PLS1: variants seen among roughly 807,000 people sequenced by gnomAD.
PLS1 encodes the protein plastin-1.
A neutral mutation model predicts 73.7 loss-of-function variants in PLS1; 32 were observed. The ratio of observed to expected loss-of-function variants is 0.43; its 90% CI spans 0.33 to 0.58. The LOEUF (loss-of-function observed/expected upper bound fraction) is 0.58, where lower values mean the gene tolerates loss of function less well. Among genes scored for constraint, PLS1 ranks in the 20% least tolerant of loss-of-function variants. PLS1 has a pLI of 0.04. For missense variants in PLS1, 633 were observed against 740.5 expected (o/e 0.85, Z 1.68); for synonymous variants, 217 against 261.3 (o/e 0.83, Z 1.63).
chr3:142,685,272 G>C lies in PLS1; in HGVS notation c.888+877G>C, dbSNP rs189051351. ...ACATTTATTCAGCTCTTTCTGAGGG[G>C]CATTATGCCCAGGCGATGCAAAGAC... is the stretch of plus-strand genomic sequence containing the variant. On this transcript the variant is annotated intron_variant, in intron 8 of 15. Coordinates refer to ENST00000457734, the MANE Select transcript of PLS1 (RefSeq NM_001145319.2). Among the ~76,000 whole-genome samples the C allele has an allele frequency of 1.1e-3, 161 of 152,256 alleles. 1 individual carries two copies. The highest frequency in any genetic ancestry group is 3.8e-3 in the African/African-American group (158 of 41,534).
chr3:142,620,243 G>C (rs1030326812), intron 1 of PLS1, among the ~76,000 whole-genome samples: 2 of 152,036 alleles, frequency 1.3e-5, no homozygotes, highest in African/African-American at 4.8e-5. Context: ...TTCTGCCTCA[G>C]CCTTCCAAGT....
intron 1 of PLS1, among the ~76,000 whole-genome samples, chr3:142,620,066 G>A (rs1027532276): frequency 2.2e-4 from 34 of 152,068 alleles, no homozygotes; most frequent in African/African-American, 8.0e-4. Context: ...CTTTCCAGTT[G>A]CTGTCATTCT....
At position 142,599,903 on chromosome 3, in the gene PLS1, C is replaced by T. The variant is rs140880292; in HGVS notation, c.-37+3394C>T. Among the ~76,000 whole-genome samples, 438 of 152,172 alleles carry T rather than the reference C, an allele frequency of 2.9e-3. 2 individuals carry two copies. In the South Asian group the frequency reaches 0.035, roughly 12 times the overall value. On this transcript the variant is annotated intron_variant, in intron 1 of 15. Coordinates refer to ENST00000457734, the MANE Select transcript of PLS1 (RefSeq NM_001145319.2). Reference sequence around the variant, plus strand: ...TCCCAAGTAGCTGTGGCCACAGGCACGTGCCACCATGCGTGGCTAATTTTG... The same window carrying T: ...TCCCAAGTAGCTGTGGCCACAGGCATGTGCCACCATGCGTGGCTAATTTTG...
In PLS1 at chr3:142,600,902, A is replaced by T. The variant is rs1560024424; in HGVS notation, c.-37+4393A>T. On this transcript the variant is annotated intron_variant, in intron 1 of 15. Transcript: ENST00000457734. ...CATATATATATATATATATATATAT[A>T]TATATATATATATATTTTTTTTTTT... Among the ~76,000 whole-genome samples, 7 of 30,890 alleles carry T rather than the reference A, an allele frequency of 2.3e-4. 1 individual carries two copies. Among genetic ancestry groups the T allele is most frequent in the African/African-American group, 1.6e-3 (7 of 4,322 alleles). The allele number at this position is 30,890 out of a possible 152,430, so 20.3% of individuals were successfully genotyped here.
intron 1 of PLS1, among the ~76,000 whole-genome samples, chr3:142,608,765 G>A (rs1369027303): frequency 1.3e-5 from 2 of 152,182 alleles, no homozygotes; most frequent in Non-Finnish European, 2.9e-5. Flanking sequence ...TGGTTGGTCC[G>A]GTTAACAGCA....
intron 1 of PLS1, among the ~76,000 whole-genome samples, chr3:142,604,797 T>A (rs1393238092): frequency 1.3e-5 from 2 of 151,810 alleles, no homozygotes; most frequent in African/African-American, 4.8e-5. Context: ...TAGCCAGGCG[T>A]GGTGGTGGGT....
At chr3:142,694,153 T>C (rs954884150) in intron 10 of PLS1, among the ~76,000 whole-genome samples, 3 of 152,132 alleles carry the variant, frequency 2.0e-5, no homozygotes, top group Non-Finnish European at 4.4e-5. Flanking sequence ...GAATCCCTTT[T>C]GCATCTAATC....
At chr3:142,701,675 G>T (rs2038334802) in intron 12 of PLS1, among the ~76,000 whole-genome samples, 1 of 152,058 alleles carries the variant, frequency 6.6e-6, no homozygotes, top group Admixed American at 6.5e-5. Context: ...TTTCAATGCT[G>T]GTCCTATCAA....
intron 1 of PLS1, among the ~76,000 whole-genome samples, chr3:142,621,878 C>T (rs1045340580): frequency 6.6e-6 from 1 of 152,154 alleles, no homozygotes; most frequent in African/African-American, 2.4e-5. Flanking sequence ...GCAACAGCAG[C>T]AGGACTACAG....
intron 4 of PLS1, among the ~76,000 whole-genome samples, chr3:142,675,418 C>T (rs1374455466): frequency 6.6e-6 from 1 of 151,976 alleles, no homozygotes; most frequent in African/African-American, 2.4e-5. Context: ...GAGCCTTGCT[C>T]TGTCACCAGG....
In PLS1 at chr3:142,658,643, G is replaced by A. The variant is rs533803671; in HGVS notation, c.-36-5559G>A. Among the ~76,000 whole-genome samples the A allele has an allele frequency of 3.9e-5, 6 of 152,186 alleles. No homozygotes were observed. The South Asian group carries it at 1.2e-3, about 32-fold the overall frequency. On this transcript the variant is annotated intron_variant, in intron 1 of 15. Transcript: ENST00000457734. ...TCATAAGCAACATATATAGTATTTTGTGTTTTTATAATTTATAATAAATAG... is the reference window on the plus strand; with the variant it reads ...TCATAAGCAACATATATAGTATTTTATGTTTTTATAATTTATAATAAATAG...
At chr3:142,678,468 T>C (rs995237097) in intron 6 of PLS1, among the ~76,000 whole-genome samples, 1 of 133,836 alleles carries the variant, frequency 7.5e-6, no homozygotes, top group Non-Finnish European at 1.5e-5. Flanking sequence ...TTCCCCTTCC[T>C]GTGTCCATGT....
At chr3:142,681,124 A>T (rs2037843966) in intron 6 of PLS1, among the ~76,000 whole-genome samples, 1 of 152,192 alleles carries the variant, frequency 6.6e-6, no homozygotes, top group Admixed American at 6.5e-5. Flanking sequence ...AAACTGCATG[A>T]TAGCCTCTCA....
At chr3:142,709,019 A>G (rs1932980401) in intron 14 of PLS1, among the ~76,000 whole-genome samples, 1 of 152,258 alleles carries the variant, frequency 6.6e-6, no homozygotes, top group African/African-American at 2.4e-5. Context: ...TATGTAAATA[A>G]GGAATCAAAT....
intron 1 of PLS1, among the ~76,000 whole-genome samples, chr3:142,652,241 C>T (rs900341430): frequency 6.6e-6 from 1 of 152,118 alleles, no homozygotes; most frequent in African/African-American, 2.4e-5. Flanking sequence ...CTATATTCAC[C>T]CAATGTTGGA....
chr3:142,600,911 TATATA>T (rs1368554933), intron 1 of PLS1, among the ~76,000 whole-genome samples: 6 of 29,254 alleles, frequency 2.1e-4, no homozygotes, highest in African/African-American at 5.0e-4. Context: ...TATATATATA[TATATA>T]TTTTTTTTTT....
At chr3:142,665,285 A>G (rs2037455965) in intron 2 of PLS1, among the ~76,000 whole-genome samples, 1 of 150,946 alleles carries the variant, frequency 6.6e-6, no homozygotes, top group East Asian at 1.9e-4. Flanking sequence ...TGTTTAAAAA[A>G]AAAAAGCACT....
chr3:142,668,389 T>C (rs2037521932), intron 2 of PLS1, among the ~76,000 whole-genome samples: 6 of 152,180 alleles, frequency 3.9e-5, no homozygotes, highest in Admixed American at 2.6e-4. Context: ...AATGGTATCA[T>C]GAATACATAA....
intron 2 of PLS1, among the ~76,000 whole-genome samples, chr3:142,666,613 A>G (rs1313129354): frequency 6.6e-6 from 1 of 152,238 alleles, no homozygotes; most frequent in Non-Finnish European, 1.5e-5. Flanking sequence ...ACATGGGTCT[A>G]CAAATACCTG....
Sources: gnomAD v4.1 joint callset for allele counts (sites outside exome capture counted in the v4.1 genomes callset) on GRCh38, gnomAD v4.1.1 for gene constraint, MANE v1.5 for transcripts, NCBI Gene and HGNC (gene_info 2026-07-23, HGNC 2026-07-21) for gene names.